The following IARS1 variants were observed in gnomAD, a reference collection of about 807,000 sequenced individuals.
IARS1 encodes the protein isoleucyl-tRNA synthetase 1.
In IARS1, 124 loss-of-function variants were observed where a neutral mutation model predicts 168.2. The observed-to-expected ratio is 0.74, with a 90% confidence interval of 0.64 to 0.86. The LOEUF is 0.86. Among genes scored for constraint, IARS1 ranks in the 40% least tolerant of loss-of-function variants. The pLI, the probability that IARS1 is intolerant of heterozygous loss-of-function variation, is 0.00. For missense variants in IARS1, 1,452 were observed against 1,515.8 expected (o/e 0.96, Z 0.70); for synonymous variants, 532 against 529.4 (o/e 1.00, Z -0.07).
intron 28 of IARS1, chr9:92,242,836 C>T: frequency 4.5e-6 from 1 of 222,076 alleles, no homozygotes; most frequent in East Asian, 1.2e-4. Context: ...AAAAACTACC[C>T]AACTCTGTCC....
At chr9:92,289,565 G>A in intron 1 of IARS1, 139 bp from the exon 2 acceptor site, 2 of 600,386 alleles carry the variant, frequency 3.3e-6, no homozygotes, top group South Asian at 3.8e-5. Context: ...TTTACATAGT[G>A]TAATGTAAAA....
At chr9:92,225,103 A>G (rs1825451115) in intron 31 of IARS1, among the ~76,000 whole-genome samples, 1 of 152,180 alleles carries the variant, frequency 6.6e-6, no homozygotes, top group Non-Finnish European at 1.5e-5. Context: ...CAGACTCCTG[A>G]TGGCAGCTTG....
rs764343186 is a variant in IARS1, at chr9:92,256,765, C to T, written c.2052G>A (p.Thr684=). The T allele has an allele frequency of 2.2e-5, 35 of 1,613,254 alleles. No individual in the cohort carries two copies. The highest frequency in any genetic ancestry group is 8.8e-5 in the South Asian group (8 of 91,036). ...EEIEFLYNEN[T]VRESPNITDR... ...CTGTAATGTTGGGGCTTTCTCTAAC[C>T]GTGTTCTCATTGTAGAGAAATTCTA... Residue 684 remains threonine (T), a synonymous_variant, in exon 20 of 34, where the codon ACG becomes ACA. Coordinates refer to ENST00000443024, the MANE Select transcript of IARS1 (RefSeq NM_002161.6).
Position 92,250,286 on chromosome 9 carries a change from T to G in IARS1, c.2433A>C (p.Glu811Asp). 6.4e-7 allele frequency: 1 copy of G among 1,572,216 alleles called. No individual in the cohort carries two copies. Among genetic ancestry groups the G allele is most frequent in the Non-Finnish European group, 8.8e-7 (1 of 1,141,988 alleles). The part of the protein sequence containing the change: ...IHYLMLPRVR[E>D]ELIDKKTESA... Reference sequence around the variant, plus strand: ...TCTCTGTTTTCTTGTCAATCAATTCTTCTCTGAGTGGTAGAGGTAGGAATA... The same window carrying G: ...TCTCTGTTTTCTTGTCAATCAATTCGTCTCTGAGTGGTAGAGGTAGGAATA... The change falls in exon 24 of 34, where the codon GAA becomes GAC. Residue 811 changes from glutamate to aspartate, a missense_variant. Glu to Asp is a conservative substitution (Grantham distance 45, BLOSUM62 2). Transcript: ENST00000443024.
intron 33 of IARS1, 131 bp from the exon 34 acceptor site, chr9:92,211,020 C>T (rs1486059506): frequency 1.6e-6 from 1 of 631,716 alleles, no homozygotes; most frequent in East Asian, 2.8e-5. Flanking sequence ...TTTGTCCCAG[C>T]TCCTGAGGTG....
At chr9:92,271,502 G>A (rs1322667129) in intron 11 of IARS1, 31 bp downstream of exon 11, 1 of 1,611,424 alleles carries the variant, frequency 6.2e-7, no homozygotes, top group Admixed American at 1.7e-5. Flanking sequence ...AGAAGTAACA[G>A]TCACCCTTCT....
At chr9:92,223,814 A>G (rs1825196643) in intron 31 of IARS1, among the ~76,000 whole-genome samples, 3 of 152,250 alleles carry the variant, frequency 2.0e-5, no homozygotes, top group Non-Finnish European at 4.4e-5. Context: ...CTTCACCATG[A>G]AAAACTTACA....
chr9:92,259,235 T>C (rs896003899), intron 18 of IARS1, among the ~76,000 whole-genome samples: 1 of 152,196 alleles, frequency 6.6e-6, no homozygotes, highest in Non-Finnish European at 1.5e-5. Flanking sequence ...TGGCACTGTA[T>C]AGCACAGAAA....
chr9:92,257,280 T>C (rs1441774903), intron 19 of IARS1, among the ~76,000 whole-genome samples: 1 of 152,232 alleles, frequency 6.6e-6, no homozygotes, highest in Admixed American at 6.5e-5. Context: ...CTTAAGTCCT[T>C]GCTCTACAAA....
intron 9 of IARS1, among the ~76,000 whole-genome samples, chr9:92,275,013 C>G (rs1269712283): frequency 1.3e-5 from 2 of 152,150 alleles, no homozygotes; most frequent in African/African-American, 4.8e-5. Context: ...TACAGGTACT[C>G]CACCACCTTA....
intron 33 of IARS1, among the ~76,000 whole-genome samples, chr9:92,221,974 T>C (rs1305726815): frequency 2.6e-5 from 4 of 152,248 alleles, no homozygotes; most frequent in African/African-American, 7.2e-5. Context: ...CATACCAATG[T>C]AGTTTTTAGA....
chr9:92,242,401 TG>T (rs1318977355), intron 28 of IARS1, 71 bp from the exon 29 acceptor site: 2 of 1,217,398 alleles, frequency 1.6e-6, no homozygotes, highest in African/African-American at 3.0e-5. Flanking sequence ...AAGGTACTGT[TG>T]AACAAGGGCT....
chr9:92,210,851 T>A lies in IARS1; in HGVS notation c.3745A>T (p.Lys1249Ter). The change falls in exon 34 of 34, where the codon AAG becomes TAG. Residue 1249 changes from lysine (K) to a stop codon, truncating the protein, a stop_gained. Coordinates refer to ENST00000443024, the MANE Select transcript of IARS1 (RefSeq NM_002161.6). LOFTEE classifies it high-confidence loss of function. ...EDIPVKTLNM[K>*]TVYVSVLPTT... ...GGTAACACAGAAACATACACAGTCTTCATATTCAAAGTCTTCACGGGGATG... is the reference window on the plus strand; with the variant it reads ...GGTAACACAGAAACATACACAGTCTACATATTCAAAGTCTTCACGGGGATG... 1 of 1,611,410 alleles carries A rather than the reference T, an allele frequency of 6.2e-7. No individual in the cohort carries two copies. Among genetic ancestry groups the A allele is most frequent in the South Asian group, 1.1e-5 (1 of 91,010 alleles).
At chr9:92,263,202 T>C (rs535631087) in intron 16 of IARS1, 147 bp from the exon 17 acceptor site, 2 of 606,266 alleles carry the variant, frequency 3.3e-6, no homozygotes, top group Admixed American at 2.9e-5. Context: ...TCCTGGTTAC[T>C]GGAGACCAAT....
chr9:92,225,577 T>TA (rs1471251395), intron 31 of IARS1, among the ~76,000 whole-genome samples: 2 of 149,928 alleles, frequency 1.3e-5, no homozygotes, highest in African/African-American at 5.0e-5. Flanking sequence ...AAGTGTGATT[T>TA]TTTTTTTTTT....
chr9:92,212,925 T>C (rs540348852), intron 33 of IARS1, among the ~76,000 whole-genome samples: 7 of 152,156 alleles, frequency 4.6e-5, no homozygotes, highest in African/African-American at 1.4e-4. Flanking sequence ...GGAATGTTCA[T>C]GAAGATAGCT....
intron 30 of IARS1, among the ~76,000 whole-genome samples, chr9:92,235,968 ATC>A (rs1201323913): frequency 1.3e-5 from 2 of 152,040 alleles, no homozygotes; most frequent in African/African-American, 4.8e-5. Context: ...CATGTGGAAT[ATC>A]TGTTTTCTAT....
chr9:92,238,253 T>A (rs1827844129), intron 30 of IARS1, among the ~76,000 whole-genome samples: 1 of 152,142 alleles, frequency 6.6e-6, no homozygotes, highest in Non-Finnish European at 1.5e-5. Flanking sequence ...CTGATATAGT[T>A]TGGATATTTG....
chr9:92,280,667 G>C, intron 7 of IARS1, 79 bp downstream of exon 7: 1 of 856,262 alleles, frequency 1.2e-6, no homozygotes. Flanking sequence ...CATGCAAAAA[G>C]AAAGGTAAGC....
Sources: gnomAD v4.1 joint callset for allele counts (sites outside exome capture counted in the v4.1 genomes callset) on GRCh38, gnomAD v4.1.1 for gene constraint, MANE v1.5 for transcripts, NCBI Gene and HGNC (gene_info 2026-07-23, HGNC 2026-07-21) for gene names.